Variants in ACOT4 observed in about 807,000 individuals in gnomAD.
ACOT4 encodes peroxisomal succinyl-coenzyme A thioesterase.
A neutral mutation model predicts 17.1 loss-of-function variants in ACOT4; 18 were observed. That is an observed-to-expected ratio of 1.05 (90% CI 0.73 to 1.56). The LOEUF (loss-of-function observed/expected upper bound fraction) is 1.56, where lower values mean the gene tolerates loss of function less well. Ranked by LOEUF, ACOT4 falls within the 40% of genes most tolerant of loss-of-function variation. ACOT4 has a pLI of 0.00. For synonymous variants in ACOT4, 234 were observed against 236.6 expected (o/e 0.99, Z 0.10); for missense variants, 574 against 557.2 (o/e 1.03, Z -0.30).
Position 73,595,509 on chromosome 14 carries a change from T to G in ACOT4, c.1121T>G (p.Leu374Arg). The G allele has an allele frequency of 1.2e-6, 2 of 1,613,678 alleles. No individual in the cohort carries two copies. The highest frequency in any genetic ancestry group is 1.7e-6 in the Non-Finnish European group (2 of 1,179,614). ...TACTTCCCCCTGTGCCCAGCTTCCC[T>G]TCACAGATTACTGAACAAACATGTT... ...PPYFPLCPAS[L>R]HRLLNKHVIW... Residue 374 changes from leucine to arginine, a missense_variant, in exon 3 of 3, where the codon CTT becomes CGT. Transcript: ENST00000326303.
chr14:73,592,014 G>C lies in ACOT4; in HGVS notation c.55G>C (p.Val19Leu), dbSNP rs1341906607. The change falls in exon 1 of 3, where the codon GTG (valine) becomes CTG (leucine). Residue 19 changes from valine (V) to leucine (L), a missense_variant. By Grantham distance (32) the Val-to-Leu change is conservative. Coordinates refer to ENST00000326303, the MANE Select transcript of ACOT4 (RefSeq NM_152331.4). ...PPGRCCWNEP[V>L]RIAVRGLAPE... ...AGGCCGCTGCTGCTGGAACGAGCCG[G>C]TGCGCATTGCCGTGCGCGGCCTGGC... The C allele has an allele frequency of 1.1e-5, 16 of 1,434,902 alleles. No individual in the cohort carries two copies. The highest frequency in any genetic ancestry group is 3.0e-5 in the East Asian group (1 of 33,692). The allele number at this position is 1,434,902 out of a possible 1,614,324, so 88.9% of individuals were successfully genotyped here.
At chr14:73,592,469 T>G in intron 1 of ACOT4, 53 bp downstream of exon 1, 1 of 1,446,638 alleles carries the variant, frequency 6.9e-7, no homozygotes. Context: ...GAGTCTCCGT[T>G]TGTTTCCAGT....
Position 73,592,321 on chromosome 14 carries a change from G to GC in ACOT4, c.364dup (p.Gln122ProfsTer41), listed in dbSNP as rs749641100. 753 of 1,608,802 alleles carry GC rather than the reference G, an allele frequency of 4.7e-4. 4 individuals carry two copies. Among genetic ancestry groups the GC allele is most frequent in the Middle Eastern group, 2.0e-3 (12 of 6,046 alleles). The stretch of plus-strand genomic sequence containing the variant: ...GACCCCGAGCCTGGACGGCTGCTGT[G>GC]CCAGGCGCAGCACGAGCGCCACTTC... On this transcript the variant is annotated frameshift_variant, in exon 1 of 3. Coordinates refer to ENST00000326303, the MANE Select transcript of ACOT4 (RefSeq NM_152331.4). LOFTEE classifies it high-confidence loss of function.
In ACOT4 at chr14:73,593,836, A is replaced by G; in HGVS notation, c.592A>G (p.Asn198Asp). Reference protein sequence around the residue: ...LAYYNFEDLPNNMDNISLEYF... With the variant: ...LAYYNFEDLPDNMDNISLEYF... ...TTATTATAACTTTGAAGATCTCCCC[A>G]ATAACATGGACAACATATCCCTGGA... Residue 198 changes from asparagine (N) to aspartate (D), a missense_variant, in exon 2 of 3, where the codon AAT becomes GAT. Transcript: ENST00000326303. 6.2e-7 allele frequency: 1 copy of G among 1,614,088 alleles called. No homozygotes were observed. Among genetic ancestry groups the G allele is most frequent in the Non-Finnish European group, 8.5e-7 (1 of 1,179,976 alleles).
chr14:73,591,918 G>A lies in ACOT4; in HGVS notation c.-42G>A, dbSNP rs1890153428. The A allele has an allele frequency of 8.1e-6, 11 of 1,351,888 alleles. No individual in the cohort carries two copies. The highest frequency in any genetic ancestry group is 1.0e-5 in the Non-Finnish European group (11 of 1,050,116). The allele number at this position is 1,351,888 out of a possible 1,614,324, so 83.7% of individuals were successfully genotyped here. A position where few individuals can be genotyped will look rare whatever the true frequency, so the allele number is the denominator to read the frequency against. On this transcript the variant is annotated 5_prime_UTR_variant, in exon 1 of 3. Transcript: ENST00000326303. ...GCGCGCTTGCCACGATCTTGGACGGGTCTCGGGCCTCGACCTTTGAATTCC... is the reference window on the plus strand; with the variant it reads ...GCGCGCTTGCCACGATCTTGGACGGATCTCGGGCCTCGACCTTTGAATTCC...
intron 2 of ACOT4, among the ~76,000 whole-genome samples, chr14:73,594,675 T>TATTTATTC (rs1396305690): frequency 5.0e-5 from 7 of 138,800 alleles, no homozygotes; most frequent in African/African-American, 1.8e-4. Flanking sequence ...TTGGATAAGT[T>TATTTATTC]ATTTATTTAT....
intron 2 of ACOT4, among the ~76,000 whole-genome samples, chr14:73,594,780 A>C (rs553605742): frequency 6.6e-6 from 1 of 151,952 alleles, no homozygotes; most frequent in Non-Finnish European, 1.5e-5. Context: ...GGCTCACTGC[A>C]ACCTCCGCCT....
Position 73,595,304 on chromosome 14 carries a change from C to A in ACOT4, c.916C>A (p.Pro306Thr). The change falls in exon 3 of 3, where the codon CCC becomes ACC. Residue 306 changes from proline to threonine, a missense_variant. By Grantham distance (38) the Pro-to-Thr change is conservative. Coordinates refer to ENST00000326303, the MANE Select transcript of ACOT4 (RefSeq NM_152331.4). ...TGCTCTCGTAGGAGGGTACAAGAACCCCAGCATGATTCCAATAGAGAAGGC... is the reference window on the plus strand; with the variant it reads ...TGCTCTCGTAGGAGGGTACAAGAACACCAGCATGATTCCAATAGAGAAGGC... ...RNALVGGYKN[P>T]SMIPIEKAQG... 6.2e-7 allele frequency: 1 copy of A among 1,614,172 alleles called. No homozygotes were observed. The highest frequency in any genetic ancestry group is 1.1e-5 in the South Asian group (1 of 91,086).
At chr14:73,593,953 T>G in intron 2 of ACOT4, 49 bp downstream of exon 2, 2 of 1,496,556 alleles carry the variant, frequency 1.3e-6, no homozygotes, top group Non-Finnish European at 1.8e-6. Context: ...AATATTTCCA[T>G]AGAGAGTGTA....
chr14:73,593,336 C>CTTTT (rs60704237), intron 1 of ACOT4, among the ~76,000 whole-genome samples: 232 of 104,820 alleles, frequency 2.2e-3, no homozygotes, highest in Non-Finnish European at 3.0e-3. Flanking sequence ...TTCTTTCTTT[C>CTTTT]TTTTTTTTTT....
chr14:73,592,508 G>A, intron 1 of ACOT4, 92 bp downstream of exon 1: 1 of 1,371,628 alleles, frequency 7.3e-7, no homozygotes, highest in Non-Finnish European at 9.6e-7. Context: ...TGGTTTTGGA[G>A]CAAGATCAGA....
Position 73,595,728 on chromosome 14 carries a change from G to A in ACOT4, c.*74G>A, listed in dbSNP as rs887371115. ...TTCAGTAACCCTATGTGAATCAGAT[G>A]TCTCCTGGATAACATTAAAGCCATG... On this transcript the variant is annotated 3_prime_UTR_variant, in exon 3 of 3. Coordinates refer to ENST00000326303, the MANE Select transcript of ACOT4 (RefSeq NM_152331.4). The A allele has an allele frequency of 2.1e-6, 3 of 1,460,778 alleles. No homozygotes were observed. The highest frequency in any genetic ancestry group is 2.7e-6 in the Non-Finnish European group (3 of 1,095,288). The allele number at this position is 1,460,778 out of a possible 1,614,324, so 90.5% of individuals were successfully genotyped here.
Position 73,592,402 on chromosome 14 carries a change from T to C in ACOT4, c.443T>C (p.Leu148Pro), listed in dbSNP as rs751071556. ...CGAGCGGGCCGGGTGCGCGCCACGCTCTTCCTGCCGCCAGGTGAGCCAGGC... is the reference window on the plus strand; with the variant it reads ...CGAGCGGGCCGGGTGCGCGCCACGCCCTTCCTGCCGCCAGGTGAGCCAGGC... The part of the protein sequence containing the change: ...SVRAGRVRAT[L>P]FLPPGPGPFP... The change falls in exon 1 of 3, where the codon CTC (leucine) becomes CCC (proline). Residue 148 changes from leucine to proline, a missense_variant. By Grantham distance (98) the Leu-to-Pro change is moderately conservative. Transcript: ENST00000326303. The C allele has an allele frequency of 3.7e-5, 56 of 1,533,136 alleles. No homozygotes were observed. Among genetic ancestry groups the C allele is most frequent in the Non-Finnish European group, 4.6e-5 (53 of 1,145,768 alleles). 95.0% of individuals were successfully genotyped at this position (1,533,136 alleles called of 1,614,324 possible). A position where few individuals can be genotyped will look rare whatever the true frequency, so the allele number is the denominator to read the frequency against.
chr14:73,592,101 G>T lies in ACOT4; in HGVS notation c.142G>T (p.Ala48Ser), dbSNP rs768474591. 6 of 1,503,338 alleles carry T rather than the reference G, an allele frequency of 4.0e-6. No individual in the cohort carries two copies. In the South Asian group the frequency reaches 7.7e-5, roughly 19 times the overall value. 93.1% of individuals were successfully genotyped at this position (1,503,338 alleles called of 1,614,324 possible). A position where few individuals can be genotyped will look rare whatever the true frequency, so the allele number is the denominator to read the frequency against. ...CGACGAGAAGGGCGCGCTCTTCCGGGCCCACGCGCGCTACTGCGCCGACGC... is the reference window on the plus strand; with the variant it reads ...CGACGAGAAGGGCGCGCTCTTCCGGTCCCACGCGCGCTACTGCGCCGACGC... ...LRDEKGALFR[A>S]HARYCADARG... Residue 48 changes from alanine to serine, a missense_variant, in exon 1 of 3, where the codon GCC becomes TCC. Physicochemically the swap from Ala to Ser is moderately conservative, Grantham distance 99. Coordinates refer to ENST00000326303, the MANE Select transcript of ACOT4 (RefSeq NM_152331.4).
At position 73,593,834 on chromosome 14, in the gene ACOT4, C is replaced by T. The variant is rs1265266731; in HGVS notation, c.590C>T (p.Pro197Leu). 3.1e-6 allele frequency: 5 copies of T among 1,614,036 alleles called. No homozygotes were observed. Among genetic ancestry groups the T allele is most frequent in the Non-Finnish European group, 4.2e-6 (5 of 1,179,944 alleles). Reference sequence around the variant, plus strand: ...GCTTATTATAACTTTGAAGATCTCCCCAATAACATGGACAACATATCCCTG... The same window carrying T: ...GCTTATTATAACTTTGAAGATCTCCTCAATAACATGGACAACATATCCCTG... The part of the protein sequence containing the change: ...ALAYYNFEDL[P>L]NNMDNISLEY... Residue 197 changes from proline (P) to leucine (L), a missense_variant, in exon 2 of 3, where the codon CCC (proline) becomes CTC (leucine). Transcript: ENST00000326303.
At chr14:73,594,536 A>G (rs1439931324) in intron 2 of ACOT4, among the ~76,000 whole-genome samples, 5 of 152,134 alleles carry the variant, frequency 3.3e-5, no homozygotes, top group Non-Finnish European at 7.4e-5. Flanking sequence ...TGTGTTTGCC[A>G]TGTGTTCAGC....
Position 73,592,413 on chromosome 14 carries a change from C to T in ACOT4, c.454C>T (p.Pro152Ser). 4 of 1,515,652 alleles carry T rather than the reference C, an allele frequency of 2.6e-6. No individual in the cohort carries two copies. The highest frequency in any genetic ancestry group is 3.5e-6 in the Non-Finnish European group (4 of 1,138,528). The allele number at this position is 1,515,652 out of a possible 1,614,324, so 93.9% of individuals were successfully genotyped here. Residue 152 changes from proline to serine, a missense_variant, in exon 1 of 3, where the codon CCA (proline) becomes TCA (serine). Physicochemically the swap from Pro to Ser is moderately conservative, Grantham distance 74. Transcript: ENST00000326303. ...GGTGCGCGCCACGCTCTTCCTGCCGCCAGGTGAGCCAGGCTGCTGGCGGGT... is the reference window on the plus strand; with the variant it reads ...GGTGCGCGCCACGCTCTTCCTGCCGTCAGGTGAGCCAGGCTGCTGGCGGGT... ...GRVRATLFLP[P>S]GPGPFPGIID...
chr14:73,592,867 G>GA (rs1041308970), intron 1 of ACOT4, among the ~76,000 whole-genome samples: 4 of 151,916 alleles, frequency 2.6e-5, no homozygotes, highest in South Asian at 4.2e-4. Flanking sequence ...AAAGAAAAAA[G>GA]AAAAAAAAGG....
In ACOT4 at chr14:73,593,714, T is replaced by TC; in HGVS notation, c.473dup (p.Gly159ArgfsTer4). 1.2e-6 allele frequency: 2 copies of TC among 1,611,620 alleles called. No individual in the cohort carries two copies. Among genetic ancestry groups the TC allele is most frequent in the Non-Finnish European group, 1.7e-6 (2 of 1,178,638 alleles). On this transcript the variant is annotated frameshift_variant, in exon 2 of 3. Transcript: ENST00000326303. LOFTEE classifies it high-confidence loss of function. ...TTTTGTTCTCTAGGACCTGGACCCTTCCCAGGGATCATTGACATCTTTGGT... is the reference window on the plus strand; with the variant it reads ...TTTTGTTCTCTAGGACCTGGACCCTTCCCCAGGGATCATTGACATCTTTGGT...
Sources: allele counts gnomAD v4.1 joint callset (sites outside exome capture counted in the v4.1 genomes callset), GRCh38; gene constraint gnomAD v4.1.1; transcripts MANE v1.5; gene names NCBI Gene and HGNC (gene_info 2026-07-23, HGNC 2026-07-21).